MAPKAP1: variants seen among roughly 807,000 people sequenced by gnomAD.
MAPKAP1 encodes the protein MAPK associated protein 1.
In MAPKAP1, 20 loss-of-function variants were observed where a neutral mutation model predicts 65.7. The observed-to-expected ratio is 0.30, with a 90% CI of 0.21 to 0.44. The LOEUF (loss-of-function observed/expected upper bound fraction) is 0.44. Among genes scored for constraint, MAPKAP1 ranks in the 20% least tolerant of loss-of-function variants. MAPKAP1 has a pLI of 1.00. For synonymous variants in MAPKAP1, 222 were observed against 244.3 expected (o/e 0.91, Z 0.85); for missense variants, 423 against 648.0 (o/e 0.65, Z 3.77).
chr9:125,637,969 A>G (rs1833474014), intron 4 of MAPKAP1, among the ~76,000 whole-genome samples: 1 of 152,102 alleles, frequency 6.6e-6, no homozygotes, highest in Non-Finnish European at 1.5e-5. Flanking sequence ...GACGGGTTTC[A>G]CCATGTTGGC....
intron 9 of MAPKAP1, among the ~76,000 whole-genome samples, chr9:125,473,698 G>A (rs997446304): frequency 6.6e-5 from 10 of 152,136 alleles, no homozygotes; most frequent in African/African-American, 2.2e-4. Flanking sequence ...CAGACTGAGC[G>A]CCCACTCTGG....
At chr9:125,665,663 T>G (rs1205302242) in intron 3 of MAPKAP1, among the ~76,000 whole-genome samples, 1 of 151,994 alleles carries the variant, frequency 6.6e-6, no homozygotes, top group African/African-American at 2.4e-5. Context: ...AAAACATAAC[T>G]TTGTGGGCCC....
intron 10 of MAPKAP1, among the ~76,000 whole-genome samples, chr9:125,465,909 GA>G (rs1291163823): frequency 2.0e-5 from 3 of 152,166 alleles, no homozygotes. Flanking sequence ...GGTCAGGTTC[GA>G]AAGGCATATT....
intron 4 of MAPKAP1, chr9:125,596,422 A>G (rs1832127385): frequency 2.5e-6 from 2 of 799,800 alleles, no homozygotes; most frequent in Admixed American, 1.7e-5. Flanking sequence ...GATGGAAGCA[A>G]TTTTGGAGGG....
intron 4 of MAPKAP1, among the ~76,000 whole-genome samples, chr9:125,625,719 T>C (rs1833098478): frequency 6.6e-6 from 1 of 152,140 alleles, no homozygotes; most frequent in Non-Finnish European, 1.5e-5. Flanking sequence ...CACTTGAACC[T>C]GGGAGACAGA....
chr9:125,574,997 C>T (rs746688366), intron 5 of MAPKAP1, among the ~76,000 whole-genome samples: 25 of 152,152 alleles, frequency 1.6e-4, no homozygotes, highest in Non-Finnish European at 3.5e-4. Context: ...ATGTTATATT[C>T]TGATTAAGAA....
chr9:125,607,303 T>C (rs949125866), intron 4 of MAPKAP1, among the ~76,000 whole-genome samples: 3 of 152,218 alleles, frequency 2.0e-5, no homozygotes, highest in Non-Finnish European at 4.4e-5. Context: ...ACTACACTCC[T>C]ATCAAAGGAA....
chr9:125,573,547 T>G (rs1033855639), intron 5 of MAPKAP1, among the ~76,000 whole-genome samples: 3 of 152,236 alleles, frequency 2.0e-5, no homozygotes, highest in Non-Finnish European at 4.4e-5. Flanking sequence ...TTTCATTTCT[T>G]TACTTTCTTA....
intron 10 of MAPKAP1, 125 bp downstream of exon 10, chr9:125,467,847 T>C (rs1853736807): frequency 9.6e-7 from 1 of 1,036,508 alleles, no homozygotes; most frequent in East Asian, 2.4e-5. Flanking sequence ...AAATTTCTGG[T>C]AATGAATTAA....
chr9:125,636,569 T>C (rs1833430856), intron 4 of MAPKAP1, among the ~76,000 whole-genome samples: 2 of 152,002 alleles, frequency 1.3e-5, no homozygotes, highest in South Asian at 4.1e-4. Context: ...GAGGAGAAAA[T>C]TCTAAACCAA....
chr9:125,673,042 A>C (rs1834539609), intron 1 of MAPKAP1, among the ~76,000 whole-genome samples: 1 of 152,218 alleles, frequency 6.6e-6, no homozygotes, highest in African/African-American at 2.4e-5. Context: ...ATGATGTGCT[A>C]AAGTACAAAA....
chr9:125,491,171 C>T (rs1008304120), intron 8 of MAPKAP1, among the ~76,000 whole-genome samples: 9 of 149,362 alleles, frequency 6.0e-5, no homozygotes, highest in African/African-American at 2.0e-4. Flanking sequence ...AGGCCAGGTG[C>T]GGTGGCTTAT....
At chr9:125,619,476 A>T (rs868041377) in intron 4 of MAPKAP1, among the ~76,000 whole-genome samples, 3 of 134,708 alleles carry the variant, frequency 2.2e-5, no homozygotes, top group Admixed American at 7.2e-5. Flanking sequence ...GACTCCATTT[A>T]AAAAAAAAAA....
At position 125,624,596 on chromosome 9, in the gene MAPKAP1, G is replaced by A. The variant is rs1415479696; in HGVS notation, c.498+33055C>T. On this transcript the variant is annotated intron_variant, in intron 4 of 11. Coordinates refer to ENST00000265960, the MANE Select transcript of MAPKAP1 (RefSeq NM_001006617.3). ...AGCCCCCCGCCCGGCCAGCCGCCCC[G>A]TCCGGGAGGGAGGTGGGGGGGGGGG... 1.0e-4 allele frequency among the ~76,000 whole-genome samples: 5 copies of A among 50,242 alleles called. 1 individual carries two copies. Among genetic ancestry groups the A allele is most frequent in the Non-Finnish European group, 1.6e-4 (4 of 25,434 alleles). The allele number at this position is 50,242 out of a possible 152,430, so 33.0% of individuals were successfully genotyped here.
At chr9:125,642,630 A>G (rs779821126) in intron 4 of MAPKAP1, among the ~76,000 whole-genome samples, 28 of 152,338 alleles carry the variant, frequency 1.8e-4, no homozygotes, top group Admixed American at 9.8e-4. Context: ...TTTTGTCAGG[A>G]ATAATCTACC....
chr9:125,697,774 T>C (rs1835429420), intron 1 of MAPKAP1, among the ~76,000 whole-genome samples: 1 of 152,178 alleles, frequency 6.6e-6, no homozygotes, highest in African/African-American at 2.4e-5. Context: ...CAAAGTGCTT[T>C]CCAGAAAAGT....
chr9:125,693,199 T>C (rs1180052902), intron 1 of MAPKAP1, among the ~76,000 whole-genome samples: 1 of 151,792 alleles, frequency 6.6e-6, no homozygotes, highest in Non-Finnish European at 1.5e-5. Context: ...GATCACCTGA[T>C]GTCAGGAGTT....
At chr9:125,510,262 A>G (rs944137614) in intron 7 of MAPKAP1, among the ~76,000 whole-genome samples, 1 of 152,252 alleles carries the variant, frequency 6.6e-6, no homozygotes, top group Non-Finnish European at 1.5e-5. Flanking sequence ...CCTGCAAACT[A>G]CAAATTACTG....
chr9:125,661,703 T>C (rs1364962480), intron 3 of MAPKAP1, among the ~76,000 whole-genome samples: 1 of 152,190 alleles, frequency 6.6e-6, no homozygotes, highest in East Asian at 1.9e-4. Context: ...AAGCTAGATT[T>C]CTCTGACTTT....
Sources: allele counts gnomAD v4.1 joint callset (sites outside exome capture counted in the v4.1 genomes callset), GRCh38; gene constraint gnomAD v4.1.1; transcripts MANE v1.5; gene names NCBI Gene and HGNC (gene_info 2026-07-23, HGNC 2026-07-21).